The following TASP1 variants were observed in gnomAD, a reference collection of about 807,000 sequenced individuals.
TASP1 encodes taspase 1.
TASP1 carries 16 observed loss-of-function variants against 56.6 expected under a neutral mutation model. The ratio of observed to expected loss-of-function variants is 0.28; its 90% CI spans 0.19 to 0.43. TASP1 has a LOEUF of 0.43. TASP1 is among the 20% of genes least tolerant of loss of function. The pLI is 1.00. For missense variants in TASP1, 393 were observed against 511.6 expected (o/e 0.77, Z 2.24); for synonymous variants, 179 against 184.2 (o/e 0.97, Z 0.23).
chr20:13,143,166 C>T, the TASP1 span, among the ~76,000 whole-genome samples: 1 of 152,062 alleles, frequency 6.6e-6, no homozygotes, highest in Middle Eastern at 3.4e-3. Context: ...TCTTGGGCAC[C>T]AAAAAGACCA....
At chr20:13,401,544 C>T (rs1350246926) in intron 13 of TASP1, among the ~76,000 whole-genome samples, 3 of 152,146 alleles carry the variant, frequency 2.0e-5, no homozygotes, top group Admixed American at 6.5e-5. Context: ...AAAGTTGTTA[C>T]ATCATAAAAT....
At chr20:13,154,274 C>T in the TASP1 span, 68 of 1,123,068 alleles carry the variant, frequency 6.1e-5, no homozygotes, top group Admixed American at 3.0e-4. Context: ...TTCTCGGAAG[C>T]CACCTGTCAC....
At chr20:13,110,098 G>T in the TASP1 span, 77 of 1,563,120 alleles carry the variant, frequency 4.9e-5, no homozygotes, top group Admixed American at 3.4e-4. Context: ...TTTTTTTTTT[G>T]GTATTATTTA....
At chr20:13,634,018 C>T (rs1487863168) in intron 1 of TASP1, among the ~76,000 whole-genome samples, 2 of 152,164 alleles carry the variant, frequency 1.3e-5, no homozygotes, top group African/African-American at 4.8e-5. Flanking sequence ...CAGAGTTATG[C>T]TATGACCCAA....
the TASP1 span, among the ~76,000 whole-genome samples, chr20:13,155,539 C>T: frequency 2.0e-5 from 3 of 152,090 alleles, no homozygotes. Flanking sequence ...TTAAAACACA[C>T]ATGAAGGCTG....
the TASP1 span, chr20:13,299,416 A>G: frequency 6.2e-7 from 1 of 1,610,650 alleles, no homozygotes; most frequent in African/African-American, 1.3e-5. This position sits in a 1 kb window ranked among gnomAD's most constrained non-coding sequence, Gnocchi z 5.8. Flanking sequence ...AGCCCCTCGG[A>G]CGAGGACTAC....
chr20:13,548,297 C>T (rs2045874400), intron 8 of TASP1, among the ~76,000 whole-genome samples: 1 of 151,906 alleles, frequency 6.6e-6, no homozygotes, highest in Admixed American at 6.6e-5. Context: ...CAGTTGTGGG[C>T]AGATAGGTAG....
chr20:13,220,253 G>A, the TASP1 span, among the ~76,000 whole-genome samples: 3 of 152,198 alleles, frequency 2.0e-5, no homozygotes, highest in South Asian at 2.1e-4. Flanking sequence ...GGTAAGGCGG[G>A]AGCCCGAGCA....
intron 11 of TASP1, among the ~76,000 whole-genome samples, chr20:13,458,844 T>C (rs2043946220): frequency 6.6e-6 from 1 of 152,120 alleles, no homozygotes; most frequent in Non-Finnish European, 1.5e-5. Flanking sequence ...CATTAGTACA[T>C]GTGGGTTCAG....
chr20:13,620,833 T>C (rs2147514273), intron 4 of TASP1, among the ~76,000 whole-genome samples: 1 of 152,308 alleles, frequency 6.6e-6, no homozygotes, highest in Non-Finnish European at 1.5e-5. Context: ...GTACAGCAAA[T>C]ACTAGAATCC....
chr20:13,551,408 G>T (rs2045978702), intron 8 of TASP1, among the ~76,000 whole-genome samples: 1 of 151,824 alleles, frequency 6.6e-6, no homozygotes, highest in Non-Finnish European at 1.5e-5. Flanking sequence ...TGTAAAATCT[G>T]TTATTAAAGA....
the TASP1 span, among the ~76,000 whole-genome samples, chr20:13,312,595 C>T: frequency 2.0e-5 from 3 of 152,200 alleles, no homozygotes; most frequent in Admixed American, 6.5e-5. Flanking sequence ...TCGCAGCCTG[C>T]TGAATCACAC....
the TASP1 span, chr20:13,154,151 G>A: frequency 4.5e-5 from 72 of 1,613,654 alleles, 1 homozygote; most frequent in South Asian, 7.5e-4. Flanking sequence ...AAGTATCCAA[G>A]GCATCTCATA....
chr20:13,446,957 A>T (rs2043434740), intron 11 of TASP1, among the ~76,000 whole-genome samples: 2 of 152,080 alleles, frequency 1.3e-5, no homozygotes, highest in African/African-American at 4.8e-5. Context: ...GATTGTTACC[A>T]ATTTTGGTTT....
chr20:13,533,696 G>A (rs1437777552), intron 9 of TASP1, among the ~76,000 whole-genome samples: 1 of 152,070 alleles, frequency 6.6e-6, no homozygotes, highest in Non-Finnish European at 1.5e-5. Flanking sequence ...TGTTCCTAAA[G>A]AGAGTGACAT....
At chr20:13,144,086 A>G in the TASP1 span, among the ~76,000 whole-genome samples, 1 of 152,152 alleles carries the variant, frequency 6.6e-6, no homozygotes, top group Admixed American at 6.5e-5. Context: ...TTTTTAGCTT[A>G]TGATGATCTA....
chr20:13,119,944 G>A, the TASP1 span, among the ~76,000 whole-genome samples: 2 of 152,098 alleles, frequency 1.3e-5, no homozygotes, highest in South Asian at 2.1e-4. Flanking sequence ...GCTTCCTTTC[G>A]GCTTAATGAG....
At chr20:13,441,347 C>G (rs73901164) in intron 11 of TASP1, among the ~76,000 whole-genome samples, 4,966 of 152,296 alleles carry the variant, frequency 0.033, 265 homozygotes, top group African/African-American at 0.11. Context: ...AGTTGAGCAG[C>G]TTGGGGGACA....
chr20:13,351,379 A>G, the TASP1 span, among the ~76,000 whole-genome samples: 4 of 152,226 alleles, frequency 2.6e-5, no homozygotes, highest in African/African-American at 9.7e-5. Context: ...CTGGTCACGA[A>G]TGTTTTAGCA....
Sources: gnomAD v4.1 joint callset for allele counts (sites outside exome capture counted in the v4.1 genomes callset) on GRCh38, gnomAD v4.1.1 for gene constraint, Gnocchi (gnomAD v3.1) non-coding constraint, MANE v1.5 for transcripts, NCBI Gene and HGNC (gene_info 2026-07-23, HGNC 2026-07-21) for gene names.